The following C10orf67 variants were observed in gnomAD, a reference collection of about 807,000 sequenced individuals.
C10orf67 encodes the protein chromosome 10 open reading frame 67.
In C10orf67, 60 loss-of-function variants were observed where a neutral mutation model predicts 35.6. That is an observed-to-expected ratio of 1.68 (90% CI 1.37 to 2.09). The LOEUF (loss-of-function observed/expected upper bound fraction) is 2.09. Among genes scored for constraint, C10orf67 ranks in the 30% most tolerant of loss-of-function variants. The probability of loss-of-function intolerance (pLI) is 0.00; values close to 1 mark genes in which losing one functional copy is unlikely to be tolerated. For synonymous variants in C10orf67, 167 were observed against 115.8 expected (o/e 1.44, Z -2.84); for missense variants, 474 against 330.2 (o/e 1.44, Z -3.38).
intron 5 of C10orf67, among the ~76,000 whole-genome samples, chr10:23,291,849 T>G (rs942376126): frequency 1.3e-5 from 2 of 152,154 alleles, no homozygotes; most frequent in Admixed American, 1.3e-4. Flanking sequence ...GTTGGTTTTC[T>G]GCTTGGTGGA....
rs565152442 is a variant in C10orf67, at chr10:23,340,972, C to T, written c.206+3597G>A. Among the ~76,000 whole-genome samples, 5 of 152,280 alleles carry T rather than the reference C, an allele frequency of 3.3e-5. No individual in the cohort carries two copies. In the South Asian group the frequency reaches 1.0e-3, roughly 32 times the overall value. The stretch of plus-strand genomic sequence containing the variant: ...CCTAGAATTGTCCATCCTACAAATG[C>T]TTATTAATAAATCAGTCAATGAAGA... On this transcript the variant is annotated intron_variant, in intron 1 of 15. Coordinates refer to ENST00000636213, the MANE Select transcript of C10orf67 (RefSeq NM_001371909.1).
chr10:23,309,259 G>C (rs554742170), intron 4 of C10orf67, among the ~76,000 whole-genome samples: 1 of 152,176 alleles, frequency 6.6e-6, no homozygotes, highest in African/African-American at 2.4e-5. Context: ...TGGAGCTGGA[G>C]GCATTATCCT....
At chr10:23,211,025 G>T (rs1163846720) in intron 15 of C10orf67, among the ~76,000 whole-genome samples, 1 of 152,160 alleles carries the variant, frequency 6.6e-6, no homozygotes, top group Non-Finnish European at 1.5e-5. Context: ...TTGTTACCTT[G>T]TATTTGCTTG....
At chr10:23,220,903 C>T (rs1214131197) in intron 15 of C10orf67, among the ~76,000 whole-genome samples, 3 of 152,094 alleles carry the variant, frequency 2.0e-5, no homozygotes, top group Admixed American at 6.6e-5. Flanking sequence ...GTAACAGAAA[C>T]GATAATATTC....
intron 10 of C10orf67, among the ~76,000 whole-genome samples, chr10:23,262,165 G>A (rs190079944): frequency 6.6e-6 from 1 of 152,172 alleles, no homozygotes; most frequent in Non-Finnish European, 1.5e-5. Context: ...CAGATGTGAC[G>A]ATGGCAGTCA....
At chr10:23,311,542 T>C (rs1453445093) in intron 4 of C10orf67, among the ~76,000 whole-genome samples, 1 of 152,078 alleles carries the variant, frequency 6.6e-6, no homozygotes, top group Non-Finnish European at 1.5e-5. Context: ...AGAAACCCCG[T>C]CTCTACTAAA....
At chr10:23,298,649 T>C (rs527265004) in intron 5 of C10orf67, among the ~76,000 whole-genome samples, 1 of 152,360 alleles carries the variant, frequency 6.6e-6, no homozygotes, top group African/African-American at 2.4e-5. Context: ...GGGATAAGGA[T>C]AAGCCAATAT....
chr10:23,323,934 T>TATATATATATATATATATAC (rs1845076959), intron 2 of C10orf67, among the ~76,000 whole-genome samples: 3 of 63,794 alleles, frequency 4.7e-5, no homozygotes, highest in South Asian at 5.9e-4. Context: ...TATATATATA[T>TATATATATATATATATATAC]ATATATATAT....
intron 15 of C10orf67, 112 bp downstream of exon 15, chr10:23,223,486 A>G (rs1403230571): frequency 4.5e-6 from 3 of 673,448 alleles, no homozygotes; most frequent in Non-Finnish European, 8.1e-6. Context: ...GAAAAAAGTC[A>G]TGCATTCACC....
rs73602524 is a variant in C10orf67, at chr10:23,335,757, C to A, written c.207-2575G>T. Among the ~76,000 whole-genome samples the A allele has an allele frequency of 3.8e-4, 58 of 152,188 alleles. 1 individual carries two copies. The highest frequency in any genetic ancestry group is 6.8e-3 in the Middle Eastern group (2 of 294). ...CAGTAAACAAGTAAATAAAAATATGCGATATATTCTGAGGTAGTGGTGAGC... is the reference window on the plus strand; with the variant it reads ...CAGTAAACAAGTAAATAAAAATATGAGATATATTCTGAGGTAGTGGTGAGC... On this transcript the variant is annotated intron_variant, in intron 1 of 15. Transcript: ENST00000636213.
intron 2 of C10orf67, among the ~76,000 whole-genome samples, chr10:23,326,977 T>A (rs1253807524): frequency 6.6e-6 from 1 of 152,050 alleles, no homozygotes; most frequent in African/African-American, 2.4e-5. Context: ...CTGAAATACT[T>A]GATAATAATA....
intron 15 of C10orf67, among the ~76,000 whole-genome samples, chr10:23,205,274 A>G (rs1157800427): frequency 1.3e-5 from 2 of 152,188 alleles, no homozygotes; most frequent in East Asian, 1.9e-4. Context: ...GTAATGTCCA[A>G]TGCTACACAC....
intron 7 of C10orf67, among the ~76,000 whole-genome samples, chr10:23,286,011 T>C (rs1843514815): frequency 6.6e-6 from 1 of 152,172 alleles, no homozygotes; most frequent in Non-Finnish European, 1.5e-5. Context: ...CTTTAATTTG[T>C]TATTGTACTC....
At position 23,221,187 on chromosome 10, in the gene C10orf67, T is replaced by C. The variant is rs11013330; in HGVS notation, c.1570+2411A>G. Among the ~76,000 whole-genome samples, 1,334 of 152,024 alleles carry C rather than the reference T, an allele frequency of 8.8e-3. 23 individuals are homozygous for C. Among genetic ancestry groups the C allele is most frequent in the African/African-American group, 0.03 (1,223 of 41,452 alleles). Reference sequence around the variant, plus strand: ...GGTGTCAGGAAACTTACAATCATGGTGGAAGGGGAAGTAAGCATGTCTTAC... The same window carrying C: ...GGTGTCAGGAAACTTACAATCATGGCGGAAGGGGAAGTAAGCATGTCTTAC... On this transcript the variant is annotated intron_variant, in intron 15 of 15. Transcript: ENST00000636213.
rs532096498 is a variant in C10orf67, at chr10:23,316,088, G to A, written c.546+4653C>T. On this transcript the variant is annotated intron_variant, in intron 4 of 15. Coordinates refer to ENST00000636213, the MANE Select transcript of C10orf67 (RefSeq NM_001371909.1). ...CTGTGCTCATTCCACCCGCTTGGCC[G>A]GGCAGGCTGTGCTCGGCTCATACTA... Among the ~76,000 whole-genome samples, 42 of 152,268 alleles carry A rather than the reference G, an allele frequency of 2.8e-4. 1 individual carries two copies. Among genetic ancestry groups the A allele is most frequent in the South Asian group, 1.4e-3 (7 of 4,830 alleles).
chr10:23,256,420 C>T (rs1257154196), intron 10 of C10orf67, among the ~76,000 whole-genome samples: 2 of 152,198 alleles, frequency 1.3e-5, no homozygotes, highest in East Asian at 1.9e-4. Context: ...CACAACTTCT[C>T]TTGAACCCAT....
At chr10:23,247,705 G>A (rs1198686192) in intron 12 of C10orf67, among the ~76,000 whole-genome samples, 1 of 152,158 alleles carries the variant, frequency 6.6e-6, no homozygotes, top group Non-Finnish European at 1.5e-5. Flanking sequence ...CTGATTGGAA[G>A]AAATTGAAAA....
At chr10:23,231,447 T>C (rs942421634) in intron 13 of C10orf67, among the ~76,000 whole-genome samples, 1 of 152,210 alleles carries the variant, frequency 6.6e-6, no homozygotes, top group African/African-American at 2.4e-5. Flanking sequence ...AGCAGTAAGA[T>C]TGAAGGAACC....
At chr10:23,294,355 A>C (rs1206224270) in intron 5 of C10orf67, among the ~76,000 whole-genome samples, 1 of 152,096 alleles carries the variant, frequency 6.6e-6, no homozygotes, top group Non-Finnish European at 1.5e-5. Context: ...TGAAATTAAA[A>C]CACATGCACA....
Sources: gnomAD v4.1 joint callset for allele counts (sites outside exome capture counted in the v4.1 genomes callset) on GRCh38, gnomAD v4.1.1 for gene constraint, MANE v1.5 for transcripts, NCBI Gene and HGNC (gene_info 2026-07-23, HGNC 2026-07-21) for gene names.